LCN15: variants seen among roughly 807,000 people sequenced by gnomAD.
LCN15 encodes the protein lipocalin 15, also known as lipocalin-15.
LCN15 carries 26 observed loss-of-function variants against 23.1 expected under a neutral mutation model. The observed-to-expected ratio is 1.13, with a 90% CI of 0.82 to 1.56. LCN15 has a LOEUF of 1.56. LCN15 is among the 40% of genes most tolerant of loss of function. The pLI is 0.00. For missense variants in LCN15, 241 were observed against 239.5 expected (o/e 1.01, Z -0.04); for synonymous variants, 107 against 98.3 (o/e 1.09, Z -0.52).
rs1847326145 is a variant in LCN15 at position 136,762,196 on chromosome 9, G to C, written c.512C>G (p.Pro171Arg). ...GLPKDMMVML[P>R]QSDACNPESK... ...GGGGCTTGCCAGGGTACCTGACTGG[G>C]GCAGCATGACCATCATGTCCTTGGG... is the stretch of plus-strand genomic sequence containing the variant. Residue 171 changes from proline to arginine, a missense_variant, in exon 5 of 7, where the codon CCC (proline) becomes CGC (arginine). Pro to Arg is a moderately radical substitution (Grantham distance 103, BLOSUM62 -2). Coordinates refer to ENST00000316144, the MANE Select transcript of LCN15 (RefSeq NM_203347.2). The C allele has an allele frequency of 6.3e-7, 1 of 1,585,232 alleles. No homozygotes were observed. Among genetic ancestry groups the C allele is most frequent in the East Asian group, 2.3e-5 (1 of 42,930 alleles).
chr9:136,760,487 C>T (rs1280802606), intron 6 of LCN15, among the ~76,000 whole-genome samples: 5 of 152,192 alleles, frequency 3.3e-5, no homozygotes, highest in African/African-American at 9.7e-5. Flanking sequence ...AACAGCCCCG[C>T]CTCAGAGCCG....
intron 1 of LCN15, 138 bp downstream of exon 1, chr9:136,764,255 G>T: frequency 1.1e-6 from 1 of 896,398 alleles, no homozygotes. Flanking sequence ...TTAGGATTAA[G>T]CGCAGAGTGG....
In LCN15 at chr9:136,762,269, G is replaced by C; in HGVS notation, c.439C>G (p.Pro147Ala). The C allele has an allele frequency of 6.3e-7, 1 of 1,592,680 alleles. No individual in the cohort carries two copies. The change falls in exon 5 of 7, where the codon CCC (proline) becomes GCC (alanine). Residue 147 changes from proline (P) to alanine (A), a missense_variant. Physicochemically the swap from Pro to Ala is conservative, Grantham distance 27. Transcript: ENST00000316144. ...QLYSRTQDVS[P>A]QALKSFQDFY... is the part of the protein sequence containing the mutation. ...TCCTGGAAGGACTTCAGAGCCTGGG[G>C]ACTCACATCCTGGGTCCGGCCTGGG...
Position 136,762,256 on chromosome 9 carries a change from T to A in LCN15, c.452A>T (p.Lys151Met). The part of the protein sequence containing the change: ...RTQDVSPQAL[K>M]SFQDFYPTLG... ...GGTCGGGTAGAAGTCCTGGAAGGACTTCAGAGCCTGGGGACTCACATCCTG... is the reference window on the plus strand; with the variant it reads ...GGTCGGGTAGAAGTCCTGGAAGGACATCAGAGCCTGGGGACTCACATCCTG... Residue 151 changes from lysine (K) to methionine (M), a missense_variant, in exon 5 of 7, where the codon AAG becomes ATG. Lys to Met is a moderately conservative substitution (Grantham distance 95, BLOSUM62 -1). Coordinates refer to ENST00000316144, the MANE Select transcript of LCN15 (RefSeq NM_203347.2). 6.3e-7 allele frequency: 1 copy of A among 1,595,090 alleles called. No homozygotes were observed. The highest frequency in any genetic ancestry group is 8.5e-7 in the Non-Finnish European group (1 of 1,170,810).
chr9:136,761,830 C>G lies in LCN15; in HGVS notation c.544G>C (p.Glu182Gln). ...GGGCTCCGGAGGTGTCAGGGCGCCTCCTTGCTCTCAGGGTTGCATGCATCT... is the reference window on the plus strand; with the variant it reads ...GGGCTCCGGAGGTGTCAGGGCGCCTGCTTGCTCTCAGGGTTGCATGCATCT... Reference protein sequence around the residue: ...QSDACNPESKEAP With the variant: ...QSDACNPESKQAP The change falls in exon 6 of 7, where the codon GAG becomes CAG. Residue 182 changes from glutamate (E) to glutamine (Q), a missense_variant. Transcript: ENST00000316144. This position sits in a 1 kb window ranked among gnomAD's most constrained non-coding sequence, Gnocchi z 4.2. 1 of 1,307,206 alleles carries G rather than the reference C, an allele frequency of 7.6e-7. No individual in the cohort carries two copies. Among genetic ancestry groups the G allele is most frequent in the Non-Finnish European group, 9.7e-7 (1 of 1,025,770 alleles). 81.0% of individuals were successfully genotyped at this position (1,307,206 alleles called of 1,614,324 possible). A position where few individuals can be genotyped will look rare whatever the true frequency, so the allele number is the denominator to read the frequency against.
At position 136,763,706 on chromosome 9, in the gene LCN15, G is replaced by A; in HGVS notation, c.307+7C>T. On this transcript the variant is annotated splice_region_variant and intron_variant, in intron 3 of 6. Coordinates refer to ENST00000316144, the MANE Select transcript of LCN15 (RefSeq NM_203347.2). ...GCACCCCTGAAGGCAGAGGAGGCAGGACCTACCCGGGACTCTGAAGTGTCC... is the reference window on the plus strand; with the variant it reads ...GCACCCCTGAAGGCAGAGGAGGCAGAACCTACCCGGGACTCTGAAGTGTCC... The A allele has an allele frequency of 6.2e-7, 1 of 1,613,100 alleles. No individual in the cohort carries two copies. The highest frequency in any genetic ancestry group is 8.5e-7 in the Non-Finnish European group (1 of 1,179,860).
chr9:136,763,310 G>T, intron 4 of LCN15, 47 bp downstream of exon 4: 1 of 1,098,154 alleles, frequency 9.1e-7, no homozygotes, highest in Non-Finnish European at 1.3e-6. Context: ...CGGGGCCTGT[G>T]GGAAGTTGGG....
chr9:136,764,061 C>T, intron 1 of LCN15, 52 bp from the exon 2 acceptor site: 1 of 1,595,506 alleles, frequency 6.3e-7, no homozygotes, highest in Middle Eastern at 1.7e-4. Flanking sequence ...GCAGGGCCCT[C>T]CTTGCCCAGG....
At chr9:136,763,169 G>C (rs1404464246) in intron 4 of LCN15, among the ~76,000 whole-genome samples, 188 bp downstream of exon 4, 1 of 151,600 alleles carries the variant, frequency 6.6e-6, no homozygotes, top group African/African-American at 2.4e-5. Flanking sequence ...GCACCAGAAG[G>C]GGCGGGCCCG....
Position 136,764,006 on chromosome 9 carries a change from A to G in LCN15, c.100T>C (p.Ser34Pro). ...LQPDFNAEKF[S>P]GLWYVVSMAS... is the part of the protein sequence containing the mutation. Reference sequence around the variant, plus strand: ...ATGGAGACCACGTACCAGAGGCCTGAGAACTGCCGGGGGCTTAGTCACCCG... The same window carrying G: ...ATGGAGACCACGTACCAGAGGCCTGGGAACTGCCGGGGGCTTAGTCACCCG... The change falls in exon 2 of 7, where the codon TCA becomes CCA. Residue 34 changes from serine (S) to proline (P), a missense_variant. Ser to Pro is a moderately conservative substitution (Grantham distance 74, BLOSUM62 -1). Coordinates refer to ENST00000316144, the MANE Select transcript of LCN15 (RefSeq NM_203347.2). The G allele has an allele frequency of 3.7e-6, 6 of 1,612,744 alleles. No homozygotes were observed. The highest frequency in any genetic ancestry group is 5.1e-6 in the Non-Finnish European group (6 of 1,179,814).
Position 136,761,649 on chromosome 9 carries a change from G to A in LCN15, c.*32+138C>T. 2.4e-6 allele frequency: 1 copy of A among 413,482 alleles called. No individual in the cohort carries two copies. 25.6% of individuals were successfully genotyped at this position (413,482 alleles called of 1,614,324 possible). On this transcript the variant is annotated intron_variant, in intron 6 of 6. Transcript: ENST00000316144. The surrounding 1 kb of genome is among the most constrained non-coding windows in gnomAD (Gnocchi z 4.2). The stretch of plus-strand genomic sequence containing the variant: ...AGGGAGGCTTCCTGGAAGAGGTAAT[G>A]TCTAAGCTGAGGCCTGAAGCATGGG...
chr9:136,763,483 C>T lies in LCN15; in HGVS notation c.308-16G>A. 1.3e-6 allele frequency: 2 copies of T among 1,563,582 alleles called. No individual in the cohort carries two copies. The highest frequency in any genetic ancestry group is 1.7e-6 in the Non-Finnish European group (2 of 1,149,626). ...TAGCCCAAGGCTGCGGAGAGGCAGGCGGCCTTTTCAGGCTGGAGAAGTGGA... is the reference window on the plus strand; with the variant it reads ...TAGCCCAAGGCTGCGGAGAGGCAGGTGGCCTTTTCAGGCTGGAGAAGTGGA... On this transcript the variant is annotated splice_polypyrimidine_tract_variant and intron_variant, in intron 3 of 6. Transcript: ENST00000316144.
rs760590780 is a variant in LCN15, at chr9:136,764,350, G to T, written c.96+43C>A. 3.9e-5 allele frequency: 60 copies of T among 1,552,952 alleles called. No homozygotes were observed. In the Admixed American group the frequency reaches 1.0e-3, roughly 27 times the overall value. On this transcript the variant is annotated intron_variant, in intron 1 of 6. Transcript: ENST00000316144. The stretch of plus-strand genomic sequence containing the variant: ...AATTATCACGTTGTCTCTGGCAGGG[G>T]CCCAGCTCCCACCCACCACAGGACA...
chr9:136,763,674 G>T, intron 3 of LCN15, 39 bp downstream of exon 3: 1 of 1,602,614 alleles, frequency 6.2e-7, no homozygotes, highest in Non-Finnish European at 8.5e-7. Flanking sequence ...CAGAGAAGCG[G>T]CATCCAGCAC....
chr9:136,760,933 A>G (rs1355843346), intron 6 of LCN15, among the ~76,000 whole-genome samples: 1 of 152,224 alleles, frequency 6.6e-6, no homozygotes, highest in East Asian at 1.9e-4. Context: ...TGGAGATTAG[A>G]TCATCCTGCA....
In LCN15 at chr9:136,761,347, G is replaced by A. The variant is rs1402295560; in HGVS notation, c.*32+440C>T. On this transcript the variant is annotated intron_variant, in intron 6 of 6. Transcript: ENST00000316144. This position sits in a 1 kb window ranked among gnomAD's most constrained non-coding sequence, Gnocchi z 4.2. ...GCAATCTCGGCTCACCGCAACCTCC[G>A]CCTCCTGGGTTCAGGCGATTCTCCT... Among the ~76,000 whole-genome samples, 2 of 152,148 alleles carry A rather than the reference G, an allele frequency of 1.3e-5. No homozygotes were observed. Among genetic ancestry groups the A allele is most frequent in the Non-Finnish European group, 2.9e-5 (2 of 68,018 alleles).
At chr9:136,763,102 G>A (rs1030252735) in intron 4 of LCN15, among the ~76,000 whole-genome samples, 5 of 151,416 alleles carry the variant, frequency 3.3e-5, no homozygotes, top group African/African-American at 1.2e-4. Context: ...ACCCCACCCG[G>A]TCCTGGCCAG....
intron 5 of LCN15, 152 bp from the exon 6 acceptor site, chr9:136,762,005 C>T: frequency 2.5e-6 from 2 of 798,284 alleles, no homozygotes; most frequent in African/African-American, 1.8e-5. Context: ...TGCCCAAAGC[C>T]TCTCCCGTAG....
At position 136,761,767 on chromosome 9, in the gene LCN15, G is replaced by T; in HGVS notation, c.*32+20C>A. 4.1e-6 allele frequency: 5 copies of T among 1,221,720 alleles called. No homozygotes were observed. The highest frequency in any genetic ancestry group is 5.2e-6 in the Non-Finnish European group (5 of 968,758). The allele number at this position is 1,221,720 out of a possible 1,614,324, so 75.7% of individuals were successfully genotyped here. A position where few individuals can be genotyped will look rare whatever the true frequency, so the allele number is the denominator to read the frequency against. The stretch of plus-strand genomic sequence containing the variant: ...GGGAGAGGCAACCAGGGCATCCCCT[G>T]CAGGGCCTGGAGAACCCACCTGGGA... On this transcript the variant is annotated intron_variant, in intron 6 of 6. Coordinates refer to ENST00000316144, the MANE Select transcript of LCN15 (RefSeq NM_203347.2). The surrounding 1 kb of genome is among the most constrained non-coding windows in gnomAD (Gnocchi z 4.2).
Sources: gnomAD v4.1 joint callset for allele counts (sites outside exome capture counted in the v4.1 genomes callset) on GRCh38, gnomAD v4.1.1 for gene constraint, Gnocchi (gnomAD v3.1) non-coding constraint, MANE v1.5 for transcripts, NCBI Gene and HGNC (gene_info 2026-07-23, HGNC 2026-07-21) for gene names.